C8A: variants seen among roughly 807,000 people sequenced by gnomAD.
C8A encodes complement component C8 alpha chain.
In C8A, 67 loss-of-function variants were observed where a neutral mutation model predicts 65.3. That is an observed-to-expected ratio of 1.03 (90% CI 0.84 to 1.26). The LOEUF is 1.26. Among genes scored for constraint, C8A ranks in the 50% most tolerant of loss-of-function variants. C8A has a pLI of 0.00. For synonymous variants in C8A, 290 were observed against 259.4 expected (o/e 1.12, Z -1.13); for missense variants, 781 against 723.9 (o/e 1.08, Z -0.90).
chr1:56,855,865 G>A (rs1174321664), intron 1 of C8A, among the ~76,000 whole-genome samples: 1 of 152,008 alleles, frequency 6.6e-6, no homozygotes, highest in African/African-American at 2.4e-5. Flanking sequence ...AGGGAGGAAA[G>A]CATTTTTAAA....
At chr1:56,859,347 T>C (rs1180470260) in intron 1 of C8A, among the ~76,000 whole-genome samples, 3 of 152,260 alleles carry the variant, frequency 2.0e-5, no homozygotes, top group Non-Finnish European at 4.4e-5. Flanking sequence ...AATACAGTCA[T>C]AATCTCTGTC....
intron 7 of C8A, among the ~76,000 whole-genome samples, chr1:56,900,398 G>A (rs986319140): frequency 6.6e-6 from 1 of 152,190 alleles, no homozygotes; most frequent in African/African-American, 2.4e-5. Context: ...TTCACTTATA[G>A]AAACAATTAT....
intron 4 of C8A, among the ~76,000 whole-genome samples, chr1:56,877,021 C>G (rs140364367): frequency 2.6e-5 from 4 of 152,272 alleles, no homozygotes; most frequent in African/African-American, 9.6e-5. Flanking sequence ...GGGTAGGACC[C>G]TAATTCAAGA....
intron 7 of C8A, among the ~76,000 whole-genome samples, chr1:56,890,399 G>T (rs1644335471): frequency 6.6e-6 from 1 of 152,144 alleles, no homozygotes; most frequent in East Asian, 1.9e-4. Context: ...AATCAGTATG[G>T]TCACTGTTCT....
At chr1:56,873,207 C>T (rs1452766683) in intron 2 of C8A, among the ~76,000 whole-genome samples, 5 of 152,182 alleles carry the variant, frequency 3.3e-5, no homozygotes, top group Non-Finnish European at 7.3e-5. Context: ...CTCCACAACT[C>T]ACCCATGGAA....
At position 56,900,643 on chromosome 1, in the gene C8A, G is replaced by T. The variant is rs560053973; in HGVS notation, c.1097-6024G>T. Among the ~76,000 whole-genome samples, 3 of 59,012 alleles carry T rather than the reference G, an allele frequency of 5.1e-5. No homozygotes were observed. In the South Asian group the frequency reaches 3.3e-3, roughly 64 times the overall value. The allele number at this position is 59,012 out of a possible 152,430, so 38.7% of individuals were successfully genotyped here. ...AGCTGAAAGTGCTTTATAAAATATA[G>T]CATATTAATCTAGCATGAGATATTA... is the stretch of plus-strand genomic sequence containing the variant. On this transcript the variant is annotated intron_variant, in intron 7 of 10. Transcript: ENST00000361249.
chr1:56,886,233 T>G, intron 7 of C8A, 66 bp downstream of exon 7: 25 of 1,587,456 alleles, frequency 1.6e-5, no homozygotes, highest in Non-Finnish European at 2.2e-5. Flanking sequence ...GTTTGAAGTT[T>G]TCTAAGCACT....
intron 6 of C8A, among the ~76,000 whole-genome samples, chr1:56,885,723 T>A (rs1644294199): frequency 6.6e-6 from 1 of 151,852 alleles, no homozygotes; most frequent in East Asian, 1.9e-4. Flanking sequence ...AGCTAATTTT[T>A]GTATTTTTAG....
At chr1:56,893,120 G>A (rs17114516) in intron 7 of C8A, among the ~76,000 whole-genome samples, 2,709 of 151,932 alleles carry the variant, frequency 0.018, 75 homozygotes, top group South Asian at 0.12. Flanking sequence ...TTTAATCTAG[G>A]CTCTAACATT....
chr1:56,882,184 A>G (rs1644253579), intron 5 of C8A, among the ~76,000 whole-genome samples: 2 of 152,146 alleles, frequency 1.3e-5, no homozygotes, highest in African/African-American at 2.4e-5. Flanking sequence ...GACTCTCTCC[A>G]TCTCTACAAT....
chr1:56,905,891 C>G lies in C8A; in HGVS notation c.1097-776C>G, dbSNP rs372110439. Among the ~76,000 whole-genome samples, 411 of 152,292 alleles carry G rather than the reference C, an allele frequency of 2.7e-3. 29 individuals carry two copies. The South Asian group carries it at 0.079, about 29-fold the overall frequency. On this transcript the variant is annotated intron_variant, in intron 7 of 10. Coordinates refer to ENST00000361249, the MANE Select transcript of C8A (RefSeq NM_000562.3). ...GGCATACCTAGGGTTGGAAACCCAG[C>G]TCTGTTTATTTACATAGCAATGTGG...
intron 9 of C8A, among the ~76,000 whole-genome samples, chr1:56,912,046 G>A (rs940963301): frequency 1.3e-5 from 2 of 152,138 alleles, no homozygotes; most frequent in African/African-American, 4.8e-5. Flanking sequence ...GATGATATAG[G>A]GGAAAGGCCT....
At chr1:56,880,720 TAACA>T (rs2101230083) in intron 4 of C8A, among the ~76,000 whole-genome samples, 1 of 152,312 alleles carries the variant, frequency 6.6e-6, no homozygotes, top group African/African-American at 2.4e-5. Context: ...TACTTAATAC[TAACA>T]ATTGCTACAA....
chr1:56,864,520 G>A (rs1229624738), intron 1 of C8A, among the ~76,000 whole-genome samples: 1 of 152,180 alleles, frequency 6.6e-6, no homozygotes, highest in Non-Finnish European at 1.5e-5. Flanking sequence ...GAGGCCCCAA[G>A]TAACTATTCA....
At chr1:56,872,135 C>A (rs1644152064) in intron 2 of C8A, among the ~76,000 whole-genome samples, 1 of 152,164 alleles carries the variant, frequency 6.6e-6, no homozygotes, top group African/African-American at 2.4e-5. Context: ...TGCAATATTC[C>A]AAGCAGCAAT....
chr1:56,873,801 G>T (rs907359332), intron 2 of C8A, among the ~76,000 whole-genome samples: 2 of 152,142 alleles, frequency 1.3e-5, no homozygotes, highest in Non-Finnish European at 2.9e-5. Context: ...TGCACTGCAT[G>T]TTTTGTATTA....
chr1:56,878,519 G>A (rs2101224644), intron 4 of C8A, among the ~76,000 whole-genome samples: 1 of 152,230 alleles, frequency 6.6e-6, no homozygotes, highest in South Asian at 2.1e-4. Flanking sequence ...CACCCACACT[G>A]AATACTGAAA....
chr1:56,864,249 A>T (rs372194154), intron 1 of C8A, among the ~76,000 whole-genome samples: 1 of 152,214 alleles, frequency 6.6e-6, no homozygotes, highest in East Asian at 1.9e-4. Context: ...GAGGTAGATA[A>T]TTGGATTCAT....
chr1:56,907,398 C>A (rs1644474353), intron 8 of C8A, among the ~76,000 whole-genome samples: 1 of 152,102 alleles, frequency 6.6e-6, no homozygotes, highest in Non-Finnish European at 1.5e-5. Context: ...ATTAGGTTAC[C>A]TGTACCTCAG....
Sources: gnomAD v4.1 joint callset for allele counts (sites outside exome capture counted in the v4.1 genomes callset) on GRCh38, gnomAD v4.1.1 for gene constraint, MANE v1.5 for transcripts, NCBI Gene and HGNC (gene_info 2026-07-23, HGNC 2026-07-21) for gene names.